Variants in SLC35F4 observed in about 807,000 individuals in gnomAD.
The protein encoded by SLC35F4 is chromosome 14 open reading frame 36.
A neutral mutation model predicts 44.2 loss-of-function variants in SLC35F4; 24 were observed. The observed-to-expected ratio is 0.54, with a 90% CI of 0.39 to 0.76. SLC35F4 has a LOEUF of 0.76. Among genes scored for constraint, SLC35F4 ranks in the 30% least tolerant of loss-of-function variants. SLC35F4 has a pLI of 0.00. For missense variants in SLC35F4, 562 were observed against 586.1 expected, an observed-to-expected ratio of 0.96 and a Z score of 0.42; for synonymous variants, 238 against 223.6, an observed-to-expected ratio of 1.06 and a Z score of -0.57.
intron 1 of SLC35F4, among the ~76,000 whole-genome samples, chr14:57,626,923 T>C (rs2072506540): frequency 6.6e-6 from 1 of 152,172 alleles, no homozygotes; most frequent in Non-Finnish European, 1.5e-5. Context: ...GAAAAGTTTT[T>C]TTACAGAAAA....
intron 1 of SLC35F4, among the ~76,000 whole-genome samples, chr14:57,879,958 G>C (rs1861032376): frequency 6.7e-6 from 1 of 149,336 alleles, no homozygotes; most frequent in South Asian, 2.1e-4. Context: ...GATTAAAGAA[G>C]GAAGGAAGGA....
At chr14:57,835,352 GA>G (rs1394690739) in intron 1 of SLC35F4, among the ~76,000 whole-genome samples, 3 of 152,152 alleles carry the variant, frequency 2.0e-5, no homozygotes, top group Non-Finnish European at 4.4e-5. Flanking sequence ...TCAACAATTG[GA>G]AGTCAGATAA....
chr14:57,575,499 T>TG (rs759113592), intron 4 of SLC35F4, among the ~76,000 whole-genome samples: 99 of 151,108 alleles, frequency 6.6e-4, no homozygotes, highest in East Asian at 1.9e-4. Context: ...ACAAAAAAGA[T>TG]GGGGAAAAAA....
At chr14:57,598,960 C>T (rs1257095873) in intron 1 of SLC35F4, among the ~76,000 whole-genome samples, 1 of 152,050 alleles carries the variant, frequency 6.6e-6, no homozygotes, top group Non-Finnish European at 1.5e-5. Context: ...ATAATATGTA[C>T]CCTGAAAAGG....
intron 1 of SLC35F4, among the ~76,000 whole-genome samples, chr14:57,806,058 A>T (rs1361583976): frequency 6.6e-6 from 1 of 152,218 alleles, no homozygotes; most frequent in South Asian, 2.1e-4. Context: ...CAAATAAAAT[A>T]CCACTGGAAA....
chr14:57,838,333 A>C (rs1173117001), intron 1 of SLC35F4, among the ~76,000 whole-genome samples: 3 of 152,148 alleles, frequency 2.0e-5, no homozygotes, highest in Non-Finnish European at 4.4e-5. Flanking sequence ...AGAATTCCCA[A>C]ATCATAGCTT....
chr14:57,727,134 G>A (rs1254889038), intron 1 of SLC35F4, among the ~76,000 whole-genome samples: 1 of 9,874 alleles, frequency 1.0e-4, no homozygotes, highest in African/African-American at 1.6e-4. Flanking sequence ...ATGTATATAT[G>A]TACATATATA....
intron 1 of SLC35F4, among the ~76,000 whole-genome samples, chr14:57,794,853 A>C (rs1430236294): frequency 1.3e-5 from 2 of 152,140 alleles, no homozygotes; most frequent in Non-Finnish European, 2.9e-5. Context: ...GGGAAAAAAA[A>C]CTGACCTTTT....
intron 1 of SLC35F4, among the ~76,000 whole-genome samples, chr14:57,614,532 G>A (rs1426649576): frequency 1.3e-5 from 2 of 152,160 alleles, no homozygotes; most frequent in Non-Finnish European, 2.9e-5. Flanking sequence ...CAAAGAATAA[G>A]AAACAGACAA....
At chr14:57,833,549 A>G (rs1465126586) in intron 1 of SLC35F4, among the ~76,000 whole-genome samples, 2 of 151,808 alleles carry the variant, frequency 1.3e-5, no homozygotes, top group African/African-American at 4.8e-5. Flanking sequence ...ACTTCAAAAA[A>G]CCTCCCCTGG....
chr14:57,705,382 T>C (rs1330011678), intron 1 of SLC35F4, among the ~76,000 whole-genome samples: 1 of 152,210 alleles, frequency 6.6e-6, no homozygotes, highest in African/African-American at 2.4e-5. Flanking sequence ...CTAGCACTAA[T>C]TGTATACTTC....
chr14:57,630,306 T>G, intron 1 of SLC35F4: 2 of 574,022 alleles, frequency 3.5e-6, no homozygotes, highest in Non-Finnish European at 6.6e-6. Flanking sequence ...GTCTTCTGAT[T>G]ACAACTATAG....
At position 57,939,617 on chromosome 14, in the gene SLC35F4, G is replaced by T. The variant is rs146269433; in HGVS notation, n.282+42296C>A. ...CGAGGAAGGGTAGAAGGCTATCTGA[G>T]AAGCTGAGCATTTCTATCCAATAGC... is the stretch of plus-strand genomic sequence containing the variant. On this transcript the variant is annotated intron_variant and non_coding_transcript_variant, in intron 1 of 1. Transcript: ENST00000556568. Among the ~76,000 whole-genome samples the T allele has an allele frequency of 2.8e-3, 434 of 152,302 alleles. 5 individuals carry two copies. The highest frequency in any genetic ancestry group is 9.9e-3 in the African/African-American group (411 of 41,556).
At chr14:57,597,851 C>T (rs2070586444) in intron 1 of SLC35F4, among the ~76,000 whole-genome samples, 1 of 152,078 alleles carries the variant, frequency 6.6e-6, no homozygotes, top group Non-Finnish European at 1.5e-5. Context: ...ATTCTTTCAC[C>T]CTCACCTGTT....
chr14:57,829,733 G>T (rs1048515074), intron 1 of SLC35F4, among the ~76,000 whole-genome samples: 1 of 152,164 alleles, frequency 6.6e-6, no homozygotes, highest in African/African-American at 2.4e-5. Flanking sequence ...GGGGTTGTGG[G>T]TAGTGATCAC....
chr14:57,718,684 T>G (rs2140427430), intron 1 of SLC35F4, among the ~76,000 whole-genome samples: 1 of 152,356 alleles, frequency 6.6e-6, no homozygotes, highest in African/African-American at 2.4e-5. Flanking sequence ...ATTTTTAAAC[T>G]GGATTATTAG....
At chr14:57,642,689 A>G (rs1235753304) in intron 1 of SLC35F4, among the ~76,000 whole-genome samples, 5 of 151,996 alleles carry the variant, frequency 3.3e-5, no homozygotes, top group Non-Finnish European at 7.4e-5. Flanking sequence ...TTTTGTACAG[A>G]TATGGTATAT....
At position 57,949,491 on chromosome 14, in the gene SLC35F4, T is replaced by C. The variant is rs965795312; in HGVS notation, n.282+32422A>G. Among the ~76,000 whole-genome samples, 6 of 152,332 alleles carry C rather than the reference T, an allele frequency of 3.9e-5. No homozygotes were observed. The East Asian group carries it at 7.7e-4, about 20-fold the overall frequency. On this transcript the variant is annotated intron_variant and non_coding_transcript_variant, in intron 1 of 1. Coordinates refer to the SLC35F4 transcript ENST00000556568. ...TGAATTTTTATCCATTCTGCCATTC[T>C]GTATCTTTCAAGTGAAGCATTTAAG...
chr14:57,775,162 G>A, intron 1 of SLC35F4, among the ~76,000 whole-genome samples: 1 of 152,234 alleles, frequency 6.6e-6, no homozygotes, highest in East Asian at 1.9e-4. Flanking sequence ...CATCACCAGT[G>A]CACATGTGCA....
Sources: allele counts gnomAD v4.1 joint callset (sites outside exome capture counted in the v4.1 genomes callset), GRCh38; gene constraint gnomAD v4.1.1; transcripts MANE v1.5; gene names NCBI Gene and HGNC (gene_info 2026-07-23, HGNC 2026-07-21).